The following MGAT4A variants were observed in gnomAD, a reference collection of about 807,000 sequenced individuals.
MGAT4A encodes alpha-1,3-mannosyl-glycoprotein 4-beta-N-acetylglucosaminyltransferase A.
A neutral mutation model predicts 74.1 loss-of-function variants in MGAT4A; 33 were observed. The ratio of observed to expected loss-of-function variants is 0.45; its 90% CI spans 0.34 to 0.60. MGAT4A has a LOEUF of 0.60. MGAT4A is among the 20% of genes least tolerant of loss of function. MGAT4A has a pLI of 0.02. For synonymous variants in MGAT4A, 198 were observed against 210.4 expected (o/e 0.94, Z 0.51); for missense variants, 479 against 628.3 (o/e 0.76, Z 2.54).
chr2:98,675,835 T>C (rs1016952582), intron 3 of MGAT4A, among the ~76,000 whole-genome samples: 2 of 152,256 alleles, frequency 1.3e-5, no homozygotes, highest in Non-Finnish European at 2.9e-5. Context: ...ATTACAGGCA[T>C]GAGCTATCAT....
intron 2 of MGAT4A, among the ~76,000 whole-genome samples, chr2:98,710,036 G>GA (rs201400536): frequency 1.7e-4 from 26 of 149,186 alleles, no homozygotes; most frequent in Admixed American, 2.0e-4. Flanking sequence ...GGTTAAATTG[G>GA]AAAAAAAAAC....
At chr2:98,631,114 C>T (rs779778305) in intron 14 of MGAT4A, among the ~76,000 whole-genome samples, 60 of 152,200 alleles carry the variant, frequency 3.9e-4, no homozygotes, top group Non-Finnish European at 6.8e-4. Flanking sequence ...GCAGCTTTAA[C>T]CCACTGAAAT....
chr2:98,656,216 C>T, intron 7 of MGAT4A, 136 bp downstream of exon 7: 1 of 685,222 alleles, frequency 1.5e-6, no homozygotes, highest in Non-Finnish European at 2.6e-6. Flanking sequence ...CCAAGCGGTC[C>T]TGGACTTAAT....
At chr2:98,632,294 T>C (rs571817061) in intron 14 of MGAT4A, among the ~76,000 whole-genome samples, 2 of 152,204 alleles carry the variant, frequency 1.3e-5, no homozygotes, top group African/African-American at 4.8e-5. Flanking sequence ...CAGCCTGCCC[T>C]TCTGCATGCT....
chr2:98,630,089 A>G (rs751443712), intron 14 of MGAT4A, among the ~76,000 whole-genome samples: 24 of 152,282 alleles, frequency 1.6e-4, no homozygotes, highest in Admixed American at 7.2e-4. Context: ...AGTTGAAGAT[A>G]ATGCAGTTGA....
chr2:98,678,691 CTCT>C (rs1256029218), intron 2 of MGAT4A, among the ~76,000 whole-genome samples: 4 of 152,014 alleles, frequency 2.6e-5, no homozygotes, highest in South Asian at 2.1e-4. Context: ...TATTATTATG[CTCT>C]TATTATTGGT....
In MGAT4A at chr2:98,622,134, T is replaced by C. The variant is rs745418570; in HGVS notation, c.*3432A>G. 2.0e-4 allele frequency: 199 copies of C among 985,372 alleles called. No homozygotes were observed. Among genetic ancestry groups the C allele is most frequent in the Non-Finnish European group, 2.3e-4 (195 of 829,950 alleles). 61.0% of individuals were successfully genotyped at this position (985,372 alleles called of 1,614,324 possible). On this transcript the variant is annotated 3_prime_UTR_variant, in exon 16 of 16. Transcript: ENST00000393487. The stretch of plus-strand genomic sequence containing the variant: ...CTAGAAATGGGTCCTCAGCTTTCTC[T>C]TCTCACCCAAAATATTCATCATCAT...
In MGAT4A at chr2:98,644,926, G is replaced by T. The variant is rs529454922; in HGVS notation, c.889+502C>A. ...TGGGATTACAGGCGTGAGCCACTGCGCCTGGCTAACTTTAAACATATTCTT... is the reference window on the plus strand; with the variant it reads ...TGGGATTACAGGCGTGAGCCACTGCTCCTGGCTAACTTTAAACATATTCTT... On this transcript the variant is annotated intron_variant, in intron 9 of 15. Transcript: ENST00000393487. 1.9e-3 allele frequency among the ~76,000 whole-genome samples: 285 copies of T among 152,276 alleles called. 1 individual carries two copies. Among genetic ancestry groups the T allele is most frequent in the Middle Eastern group, 3.4e-3 (1 of 294 alleles).
At position 98,624,245 on chromosome 2, in the gene MGAT4A, C is replaced by T; in HGVS notation, c.*1321G>A. On this transcript the variant is annotated 3_prime_UTR_variant, in exon 16 of 16. Coordinates refer to ENST00000393487, the MANE Select transcript of MGAT4A (RefSeq NM_012214.3). ...GCCAGGATGGTCTTGATCTCCTGACCTCGTGATCCGCCCGCCTCGGCCTCC... is the reference window on the plus strand; with the variant it reads ...GCCAGGATGGTCTTGATCTCCTGACTTCGTGATCCGCCCGCCTCGGCCTCC... 1.5e-6 allele frequency: 1 copy of T among 651,708 alleles called. No individual in the cohort carries two copies. The highest frequency in any genetic ancestry group is 1.9e-6 in the Non-Finnish European group (1 of 525,466). The allele number at this position is 651,708 out of a possible 1,614,324, so 40.4% of individuals were successfully genotyped here.
chr2:98,709,211 A>C (rs1249294917), intron 2 of MGAT4A, among the ~76,000 whole-genome samples: 2 of 152,160 alleles, frequency 1.3e-5, no homozygotes, highest in Admixed American at 1.3e-4. Flanking sequence ...CGGTCTACAA[A>C]GGGTACTCTT....
intron 2 of MGAT4A, among the ~76,000 whole-genome samples, chr2:98,707,480 T>C (rs906087728): frequency 6.6e-6 from 1 of 152,198 alleles, no homozygotes; most frequent in African/African-American, 2.4e-5. Context: ...CTCTGCCATC[T>C]GCAATAGCCA....
At chr2:98,712,349 A>G (rs1198614330) in intron 2 of MGAT4A, among the ~76,000 whole-genome samples, 2 of 152,224 alleles carry the variant, frequency 1.3e-5, no homozygotes, top group Non-Finnish European at 2.9e-5. Context: ...TGAATGCATG[A>G]GTAACACTAC....
intron 2 of MGAT4A, among the ~76,000 whole-genome samples, chr2:98,687,113 T>C (rs1178724184): frequency 6.6e-6 from 1 of 152,194 alleles, no homozygotes; most frequent in East Asian, 1.9e-4. Flanking sequence ...TTAAAGTTAC[T>C]GGGAGACACT....
chr2:98,662,336 G>A (rs1045962708), intron 5 of MGAT4A, among the ~76,000 whole-genome samples: 4 of 152,112 alleles, frequency 2.6e-5, no homozygotes, highest in African/African-American at 4.8e-5. Flanking sequence ...TTATGTAGAG[G>A]AGTAACAGGT....
rs1284938524 is a variant in MGAT4A at position 98,656,430 on chromosome 2, A to G, written c.620T>C (p.Val207Ala). 6.2e-7 allele frequency: 1 copy of G among 1,612,086 alleles called. No individual in the cohort carries two copies. The highest frequency in any genetic ancestry group is 1.3e-5 in the African/African-American group (1 of 74,940). The change falls in exon 7 of 16, where the codon GTC becomes GCC. Residue 207 changes from valine to alanine, a missense_variant. By Grantham distance (64) the Val-to-Ala change is moderately conservative. Transcript: ENST00000393487. ...SKEISSGLVE[V>A]ISPPESYYPD... ...ATAATAGCTTTCAGGGGGTGATATG[A>G]CTTCCACCAAGCCAGAACTGATTTC...
chr2:98,669,315 T>C (rs1701879541), intron 4 of MGAT4A, among the ~76,000 whole-genome samples: 1 of 152,134 alleles, frequency 6.6e-6, no homozygotes, highest in African/African-American at 2.4e-5. Flanking sequence ...CGAGATCTGA[T>C]GGTTTTAAAA....
At chr2:98,672,349 A>G (rs993766923) in intron 4 of MGAT4A, among the ~76,000 whole-genome samples, 2 of 152,178 alleles carry the variant, frequency 1.3e-5, no homozygotes, top group Non-Finnish European at 2.9e-5. Context: ...AAGACTCGGA[A>G]CCACATCTAA....
At chr2:98,644,759 G>A (rs1011783649) in intron 9 of MGAT4A, among the ~76,000 whole-genome samples, 4 of 151,824 alleles carry the variant, frequency 2.6e-5, no homozygotes, top group Non-Finnish European at 4.4e-5. Context: ...TCAGCCTCCC[G>A]GGGAGCTAGG....
At chr2:98,632,511 A>G (rs115905976) in intron 14 of MGAT4A, among the ~76,000 whole-genome samples, 312 of 152,298 alleles carry the variant, frequency 2.0e-3, no homozygotes, top group Non-Finnish European at 3.5e-3. Flanking sequence ...AACATCTCTA[A>G]TTGCTTAACA....
Sources: allele counts gnomAD v4.1 joint callset (sites outside exome capture counted in the v4.1 genomes callset), GRCh38; gene constraint gnomAD v4.1.1; transcripts MANE v1.5; gene names NCBI Gene and HGNC (gene_info 2026-07-23, HGNC 2026-07-21).